Variants in SNX29 observed in about 807,000 individuals in gnomAD.
The protein encoded by SNX29 is sorting nexin-29.
Under a neutral mutation model 102.1 loss-of-function variants are expected in SNX29, and 78 were observed. The ratio of observed to expected loss-of-function variants is 0.76; its 90% confidence interval spans 0.64 to 0.92. The LOEUF is 0.92. SNX29 is among the 40% of genes least tolerant of loss of function. The probability of loss-of-function intolerance (pLI) is 0.00; values close to 1 mark genes in which losing one functional copy is unlikely to be tolerated. For synonymous variants in SNX29, 580 were observed against 414.5 expected (o/e 1.40, Z -4.85); for missense variants, 1,280 against 1,061.7 (o/e 1.21, Z -2.86).
In SNX29 at chr16:12,449,882, A is replaced by G. The variant is rs191899327; in HGVS notation, c.2038-27837A>G. On this transcript the variant is annotated intron_variant, in intron 18 of 20. Coordinates refer to ENST00000566228, the MANE Select transcript of SNX29 (RefSeq NM_032167.5). ...ACAATGTTTTTACATGATTTCTGAT[A>G]TGATTTGGCTGTGTCCCCACCCATA... Among the ~76,000 whole-genome samples, 3 of 152,330 alleles carry G rather than the reference A, an allele frequency of 2.0e-5. No homozygotes were observed. The East Asian group carries it at 5.8e-4, about 29-fold the overall frequency.
intron 13 of SNX29, among the ~76,000 whole-genome samples, chr16:12,141,572 G>A (rs919146450): frequency 2.6e-5 from 4 of 152,240 alleles, no homozygotes; most frequent in Admixed American, 1.3e-4. Flanking sequence ...ACAAAAGGCA[G>A]ATTATTCATG....
At chr16:12,500,925 C>T (rs1221145754) in intron 19 of SNX29, among the ~76,000 whole-genome samples, 3 of 152,206 alleles carry the variant, frequency 2.0e-5, no homozygotes, top group Admixed American at 1.3e-4. Flanking sequence ...GCACCTGTTG[C>T]TCACTTGTCA....
Position 12,562,042 on chromosome 16 carries a change from A to G in SNX29, c.2319-6464A>G, listed in dbSNP as rs2078754708. Among the ~76,000 whole-genome samples the G allele has an allele frequency of 2.0e-5, 3 of 151,824 alleles. No homozygotes were observed. The South Asian group carries it at 6.3e-4, about 32-fold the overall frequency. On this transcript the variant is annotated intron_variant, in intron 20 of 20. Coordinates refer to ENST00000566228, the MANE Select transcript of SNX29 (RefSeq NM_032167.5). Reference sequence around the variant, plus strand: ...TGGCCCCTCATGGATTTAGGGATGGAATCATCTGTGCCGTTTTCCTTCCCG... The same window carrying G: ...TGGCCCCTCATGGATTTAGGGATGGGATCATCTGTGCCGTTTTCCTTCCCG...
intron 14 of SNX29, among the ~76,000 whole-genome samples, chr16:12,249,253 T>C (rs1444201191): frequency 1.3e-5 from 2 of 152,216 alleles, no homozygotes; most frequent in Non-Finnish European, 2.9e-5. Flanking sequence ...CCAAGGTGTC[T>C]GGGTCCTTGG....
intron 2 of SNX29, among the ~76,000 whole-genome samples, 153 bp from the exon 3 acceptor site, chr16:12,002,838 T>G (rs2056335499): frequency 6.6e-6 from 1 of 152,204 alleles, no homozygotes; most frequent in South Asian, 2.1e-4. Flanking sequence ...AGTCTTGTGC[T>G]GATACCCAGG....
At chr16:12,429,103 G>A (rs1189712594) in intron 18 of SNX29, among the ~76,000 whole-genome samples, 3 of 151,232 alleles carry the variant, frequency 2.0e-5, no homozygotes, top group Non-Finnish European at 2.9e-5. Flanking sequence ...ACACAGATAC[G>A]ATTGCGATTA....
At chr16:12,412,049 T>A (rs1166120241) in intron 18 of SNX29, among the ~76,000 whole-genome samples, 1 of 152,114 alleles carries the variant, frequency 6.6e-6, no homozygotes. Context: ...CTAAGGTACC[T>A]GGCACCTGGT....
intron 18 of SNX29, among the ~76,000 whole-genome samples, chr16:12,457,490 G>C (rs1001581542): frequency 6.6e-5 from 10 of 152,186 alleles, no homozygotes; most frequent in Non-Finnish European, 1.0e-4. Flanking sequence ...ATACCTCAAT[G>C]CCTTGTCTAG....
At chr16:12,549,178 C>T (rs897482418) in intron 20 of SNX29, among the ~76,000 whole-genome samples, 1 of 152,156 alleles carries the variant, frequency 6.6e-6, no homozygotes, top group African/African-American at 2.4e-5. Flanking sequence ...CATGGAGTGT[C>T]TGCAGGGGCT....
At chr16:12,214,043 G>A (rs2142060232) in intron 14 of SNX29, among the ~76,000 whole-genome samples, 1 of 152,256 alleles carries the variant, frequency 6.6e-6, no homozygotes, top group Non-Finnish European at 1.5e-5. Context: ...AGCTGCAAGA[G>A]GATCCAGTCC....
At chr16:12,252,177 C>A (rs954114677) in intron 14 of SNX29, among the ~76,000 whole-genome samples, 10 of 152,216 alleles carry the variant, frequency 6.6e-5, no homozygotes, top group African/African-American at 2.4e-4. Flanking sequence ...TTTCTGCATA[C>A]AGAATTGAGT....
rs148333157 is a variant in SNX29, at chr16:12,551,904, C to G, written c.2319-16602C>G. On this transcript the variant is annotated intron_variant, in intron 20 of 20. Transcript: ENST00000566228. ...GTCTGCTCATCTGTAAGGTAGGGAT[C>G]TCTATACCCTACCACACAGAGCCAC... 4.0e-3 allele frequency among the ~76,000 whole-genome samples: 602 copies of G among 152,298 alleles called. 6 individuals are homozygous for G. The highest frequency in any genetic ancestry group is 0.014 in the African/African-American group (562 of 41,558).
intron 1 of SNX29, among the ~76,000 whole-genome samples, chr16:11,997,158 C>G (rs2056105609): frequency 6.6e-6 from 1 of 152,132 alleles, no homozygotes; most frequent in African/African-American, 2.4e-5. Context: ...CCTGTTTGAT[C>G]TTTCCTTCCA....
At chr16:12,515,164 T>TG (rs1226522983) in intron 19 of SNX29, among the ~76,000 whole-genome samples, 2 of 152,154 alleles carry the variant, frequency 1.3e-5, no homozygotes, top group Non-Finnish European at 2.9e-5. Flanking sequence ...TCAGGCACCC[T>TG]GTCCTCATTC....
At chr16:12,536,612 G>A (rs1233605440) in intron 20 of SNX29, among the ~76,000 whole-genome samples, 1 of 152,152 alleles carries the variant, frequency 6.6e-6, no homozygotes, top group Non-Finnish European at 1.5e-5. Context: ...AACTAGTTTG[G>A]CTGTGGCTGC....
At position 12,568,649 on chromosome 16, in the gene SNX29, A is replaced by C. The variant is rs1422304170; in HGVS notation, c.*20A>C. On this transcript the variant is annotated 3_prime_UTR_variant, in exon 21 of 21. Coordinates refer to ENST00000566228, the MANE Select transcript of SNX29 (RefSeq NM_032167.5). ...CTCTGACCTCGACAAAACCGCAGCC[A>C]CGGGCCCTGTGCGTGGCACCAGCTG... 1.9e-6 allele frequency: 3 copies of C among 1,599,654 alleles called. No homozygotes were observed. The highest frequency in any genetic ancestry group is 1.7e-5 in the Admixed American group (1 of 59,874).
At position 12,278,071 on chromosome 16, in the gene SNX29, G is replaced by A. The variant is rs1392292836; in HGVS notation, c.1782+35G>A. 2.6e-6 allele frequency: 4 copies of A among 1,549,616 alleles called. No individual in the cohort carries two copies. In the Admixed American group the frequency reaches 7.7e-5, roughly 30 times the overall value. On this transcript the variant is annotated intron_variant, in intron 15 of 20. Transcript: ENST00000566228. ...GTGGAGTCTGTGTGTCTTTGTTTCT[G>A]ATGTTGGCTGCGTTGGAGACTTTCC...
At chr16:12,157,384 G>C (rs919544727) in intron 13 of SNX29, among the ~76,000 whole-genome samples, 7 of 152,134 alleles carry the variant, frequency 4.6e-5, no homozygotes, top group African/African-American at 1.7e-4. Context: ...CACAGCATGA[G>C]GGCGAGAGGT....
intron 20 of SNX29, among the ~76,000 whole-genome samples, chr16:12,544,149 A>G (rs894024096): frequency 6.6e-6 from 1 of 152,208 alleles, no homozygotes; most frequent in African/African-American, 2.4e-5. Context: ...CACCGGCATC[A>G]TTCCTAAGAA....
Sources: gnomAD v4.1 joint callset for allele counts (sites outside exome capture counted in the v4.1 genomes callset) on GRCh38, gnomAD v4.1.1 for gene constraint, MANE v1.5 for transcripts, NCBI Gene and HGNC (gene_info 2026-07-23, HGNC 2026-07-21) for gene names.